Variants in SLC28A1 observed in about 807,000 individuals in gnomAD.
SLC28A1 encodes sodium/nucleoside cotransporter 1.
In SLC28A1, 64 loss-of-function variants were observed where a neutral mutation model predicts 74.8. That is an observed-to-expected ratio of 0.86 (90% CI 0.70 to 1.05). The LOEUF (loss-of-function observed/expected upper bound fraction) is 1.05, where lower values mean the gene tolerates loss of function less well. SLC28A1 is among the 50% of genes least tolerant of loss of function. SLC28A1 has a pLI of 0.00. For synonymous variants in SLC28A1, 359 were observed against 335.0 expected, an observed-to-expected ratio of 1.07 and a Z score of -0.78; for missense variants, 828 against 822.8, an observed-to-expected ratio of 1.01 and a Z score of -0.08.
intron 11 of SLC28A1, among the ~76,000 whole-genome samples, chr15:84,922,303 A>C (rs1969921745): frequency 6.6e-6 from 1 of 152,198 alleles, no homozygotes; most frequent in Non-Finnish European, 1.5e-5. Context: ...GGGGTGTCGC[A>C]CATTAAGACG....
intron 5 of SLC28A1, among the ~76,000 whole-genome samples, chr15:84,891,970 A>G (rs1275434621): frequency 6.6e-6 from 1 of 151,970 alleles, no homozygotes. Context: ...CACGGAGTAG[A>G]AAAGCTCCCC....
intron 12 of SLC28A1, among the ~76,000 whole-genome samples, 157 bp from the exon 13 acceptor site, chr15:84,932,988 A>G (rs1288628491): frequency 2.4e-5 from 3 of 125,378 alleles, no homozygotes; most frequent in African/African-American, 5.7e-5. Flanking sequence ...CTACACATAA[A>G]AGGTATTATT....
chr15:84,934,066 G>A (rs1971610967), intron 13 of SLC28A1, among the ~76,000 whole-genome samples: 1 of 152,220 alleles, frequency 6.6e-6, no homozygotes, highest in South Asian at 2.1e-4. Context: ...CCATTCAGGA[G>A]GGCAGAGCCC....
intron 15 of SLC28A1, among the ~76,000 whole-genome samples, chr15:84,935,816 T>C (rs1205078549): frequency 2.0e-5 from 3 of 152,196 alleles, no homozygotes; most frequent in Non-Finnish European, 4.4e-5. Flanking sequence ...GTACCTTGCC[T>C]CTTCTGTTGG....
chr15:84,956,443 C>A, the SLC28A1 span, among the ~76,000 whole-genome samples: 2 of 65,996 alleles, frequency 3.0e-5, no homozygotes, highest in African/African-American at 6.6e-5. Context: ...TCCTTCCTTC[C>A]TTTCTTTCTT....
At chr15:84,902,337 G>T (rs1966763518) in intron 6 of SLC28A1, among the ~76,000 whole-genome samples, 1 of 152,058 alleles carries the variant, frequency 6.6e-6, no homozygotes, top group African/African-American at 2.4e-5. Context: ...AAAATTAGCT[G>T]GGCATGGGGG....
downstream of SLC28A1, among the ~76,000 whole-genome samples, chr15:84,946,013 C>T (rs549816006): frequency 1.3e-3 from 184 of 140,940 alleles, no homozygotes; most frequent in African/African-American, 4.6e-3. Flanking sequence ...GCATGTACCA[C>T]CATGTCCAGC....
chr15:84,921,860 A>G (rs1376399722), intron 11 of SLC28A1, among the ~76,000 whole-genome samples: 2 of 152,236 alleles, frequency 1.3e-5, no homozygotes, highest in Non-Finnish European at 2.9e-5. Flanking sequence ...AAAATGAGGC[A>G]AAAGAGGAAA....
chr15:84,918,388 T>A, intron 9 of SLC28A1, 136 bp from the exon 10 acceptor site: 1 of 757,156 alleles, frequency 1.3e-6, no homozygotes, highest in Non-Finnish European at 2.4e-6. Flanking sequence ...TCTCAGAGCA[T>A]CTTCCCGGAT....
At chr15:84,917,510 G>C (rs549152692) in intron 9 of SLC28A1, among the ~76,000 whole-genome samples, 1 of 151,562 alleles carries the variant, frequency 6.6e-6, no homozygotes, top group East Asian at 1.9e-4. Context: ...CTGGGCTCAA[G>C]CAATCCTCTT....
the SLC28A1 span, among the ~76,000 whole-genome samples, chr15:84,963,225 C>T: frequency 0.041 from 6,281 of 152,284 alleles, 197 homozygotes; most frequent in Non-Finnish European, 0.066. Flanking sequence ...ATCCCTCGGG[C>T]TATCCCTAGC....
intron 5 of SLC28A1, among the ~76,000 whole-genome samples, chr15:84,894,697 G>A (rs1489593220): frequency 6.6e-6 from 1 of 152,184 alleles, no homozygotes; most frequent in Non-Finnish European, 1.5e-5. Flanking sequence ...CTCACATTTG[G>A]TAAGCACTTT....
At chr15:84,917,515 C>T (rs1969281391) in intron 9 of SLC28A1, among the ~76,000 whole-genome samples, 1 of 152,166 alleles carries the variant, frequency 6.6e-6, no homozygotes. Context: ...CTCAAGCAAT[C>T]CTCTTGCCTC....
chr15:84,941,440 T>G (rs970324318), intron 15 of SLC28A1, among the ~76,000 whole-genome samples: 5 of 152,056 alleles, frequency 3.3e-5, no homozygotes, highest in Non-Finnish European at 5.9e-5. Flanking sequence ...CTCCTGAACT[T>G]GTGATCTGCC....
the SLC28A1 span, among the ~76,000 whole-genome samples, chr15:84,960,317 G>T: frequency 8.0e-6 from 1 of 124,856 alleles, no homozygotes; most frequent in South Asian, 2.6e-4. Context: ...GTACAGTGGC[G>T]CAATCTCAGC....
chr15:84,931,165 CA>C (rs1306690728), intron 12 of SLC28A1, among the ~76,000 whole-genome samples: 1 of 151,884 alleles, frequency 6.6e-6, no homozygotes, highest in Non-Finnish European at 1.5e-5. Context: ...CTTGGCCTCC[CA>C]AAATGCTGGG....
In SLC28A1 at chr15:84,884,698, G is replaced by C; in HGVS notation, c.-186G>C. ...AGGTTATAAGCTGCACTGCATGGTT[G>C]CTGCTGGATGTGTTGTGTTCCTGGC... On this transcript the variant is annotated 5_prime_UTR_variant, in exon 1 of 19. Coordinates refer to ENST00000394573, the MANE Select transcript of SLC28A1 (RefSeq NM_004213.5). 1.0e-6 allele frequency: 1 copy of C among 985,678 alleles called. No homozygotes were observed. Among genetic ancestry groups the C allele is most frequent in the Non-Finnish European group, 1.2e-6 (1 of 829,964 alleles). 61.1% of individuals were successfully genotyped at this position (985,678 alleles called of 1,614,324 possible).
intron 6 of SLC28A1, among the ~76,000 whole-genome samples, chr15:84,899,848 G>A (rs1339980734): frequency 6.6e-6 from 1 of 151,442 alleles, no homozygotes; most frequent in Admixed American, 6.6e-5. Flanking sequence ...AGCCATGATC[G>A]CGCCACTGAC....
chr15:84,899,936 AAAGAAAGGAAGG>A (rs1567129864), intron 6 of SLC28A1, among the ~76,000 whole-genome samples: 1 of 70,860 alleles, frequency 1.4e-5, no homozygotes, highest in East Asian at 4.3e-4. Context: ...GGAAAGAAAG[AAAGAAAGGAAGG>A]AAGGAAGGAA....
Sources: gnomAD v4.1 joint callset for allele counts (sites outside exome capture counted in the v4.1 genomes callset) on GRCh38, gnomAD v4.1.1 for gene constraint, MANE v1.5 for transcripts, NCBI Gene and HGNC (gene_info 2026-07-23, HGNC 2026-07-21) for gene names.